Variants in DCC observed in about 807,000 individuals in gnomAD.
The protein encoded by DCC is netrin receptor DCC.
A neutral mutation model predicts 172.5 loss-of-function variants in DCC; 58 were observed. The observed-to-expected ratio is 0.34, with a 90% confidence interval of 0.27 to 0.42. DCC has a LOEUF of 0.42. DCC is among the 10% of genes least tolerant of loss of function. The pLI is 1.00. For missense variants in DCC, 1,740 were observed against 1,791.0 expected (o/e 0.97, Z 0.51); for synonymous variants, 709 against 644.5 (o/e 1.10, Z -1.52).
At chr18:53,228,343 A>C (rs1461954604) in intron 12 of DCC, among the ~76,000 whole-genome samples, 1 of 152,116 alleles carries the variant, frequency 6.6e-6, no homozygotes, top group Non-Finnish European at 1.5e-5. Flanking sequence ...TTTAAAGGTT[A>C]TTTCCGTTAC....
rs780915967 is a variant in DCC, at chr18:52,340,762, C to A, written c.-26C>A. ...TGAGTGCTGCCGCTGCCCGCGACCC[C>A]TGGCCCCGAAGGTGTTGGCTGAAAT... On this transcript the variant is annotated 5_prime_UTR_variant, in exon 1 of 29. The change creates a new upstream start codon in the 5' untranslated region. Coordinates refer to ENST00000442544, the MANE Select transcript of DCC (RefSeq NM_005215.4). 6.3e-7 allele frequency: 1 copy of A among 1,592,404 alleles called. No homozygotes were observed. Among genetic ancestry groups the A allele is most frequent in the Non-Finnish European group, 8.6e-7 (1 of 1,160,424 alleles).
intron 12 of DCC, among the ~76,000 whole-genome samples, chr18:53,244,494 C>T (rs1232428274): frequency 6.6e-6 from 1 of 152,124 alleles, no homozygotes; most frequent in East Asian, 1.9e-4. Flanking sequence ...TGACTGGGTT[C>T]AGCTGTGTGG....
At chr18:53,053,915 T>C (rs973336435) in intron 5 of DCC, among the ~76,000 whole-genome samples, 9 of 152,130 alleles carry the variant, frequency 5.9e-5, no homozygotes, top group Non-Finnish European at 7.4e-5. Context: ...TGGATATATA[T>C]TTGTGTGAGT....
At chr18:53,506,568 AAGG>A (rs1420376309) in intron 27 of DCC, among the ~76,000 whole-genome samples, 1 of 151,968 alleles carries the variant, frequency 6.6e-6, no homozygotes, top group East Asian at 1.9e-4. Flanking sequence ...CGTTCATAGA[AAGG>A]AGGCGGCCAG....
chr18:52,869,932 C>T (rs1457992458), intron 2 of DCC, among the ~76,000 whole-genome samples: 1 of 152,202 alleles, frequency 6.6e-6, no homozygotes, highest in Non-Finnish European at 1.5e-5. Context: ...CACCTGGGTC[C>T]TGCGACAGGG....
chr18:52,398,481 T>C (rs757779033), intron 1 of DCC, among the ~76,000 whole-genome samples: 1 of 152,006 alleles, frequency 6.6e-6, no homozygotes, highest in Non-Finnish European at 1.5e-5. Flanking sequence ...TTTATGCGTA[T>C]AAACTTTGTC....
chr18:53,510,928 T>TATCA (rs2046243824), intron 27 of DCC, among the ~76,000 whole-genome samples: 1 of 152,228 alleles, frequency 6.6e-6, no homozygotes, highest in African/African-American at 2.4e-5. Flanking sequence ...CTCAGCTTTC[T>TATCA]ATCAAAGCCT....
chr18:53,057,346 C>T (rs1339566792), intron 5 of DCC, among the ~76,000 whole-genome samples: 7 of 152,054 alleles, frequency 4.6e-5, no homozygotes, highest in African/African-American at 1.4e-4. Context: ...CAACTCTTAA[C>T]AATTGCAGTC....
intron 1 of DCC, among the ~76,000 whole-genome samples, chr18:52,616,856 A>G (rs2144851773): frequency 6.6e-6 from 1 of 152,304 alleles, no homozygotes; most frequent in East Asian, 1.9e-4. Flanking sequence ...GTAGAATGTG[A>G]TTCTAAACAT....
chr18:52,658,660 T>C (rs1413098560), intron 1 of DCC, among the ~76,000 whole-genome samples: 1 of 152,186 alleles, frequency 6.6e-6, no homozygotes, highest in East Asian at 1.9e-4. Flanking sequence ...CATCTCCAAG[T>C]AAGCACCCTT....
At chr18:53,473,176 G>A (rs114231750) in intron 25 of DCC, among the ~76,000 whole-genome samples, 1,850 of 152,220 alleles carry the variant, frequency 0.012, 43 homozygotes, top group African/African-American at 0.042. Flanking sequence ...CTTGTAGCAC[G>A]ATATAGCATT....
At chr18:53,014,682 C>T (rs1034948267) in intron 5 of DCC, among the ~76,000 whole-genome samples, 1 of 151,884 alleles carries the variant, frequency 6.6e-6, no homozygotes, top group African/African-American at 2.4e-5. Context: ...AGAGAAGATA[C>T]AGGAAGGCAC....
intron 5 of DCC, among the ~76,000 whole-genome samples, chr18:53,043,679 A>G (rs1330602669): frequency 3.9e-5 from 6 of 151,944 alleles, no homozygotes. Context: ...TTACATTTCA[A>G]AGATGACTTT....
chr18:52,464,756 G>T (rs536329469), intron 1 of DCC, among the ~76,000 whole-genome samples: 4 of 148,084 alleles, frequency 2.7e-5, no homozygotes, highest in African/African-American at 7.4e-5. Context: ...TGTTTTGTTG[G>T]TTTTTTTTTT....
Position 52,397,283 on chromosome 18 carries a change from T to C in DCC, c.91+56405T>C, listed in dbSNP as rs1986267518. Among the ~76,000 whole-genome samples, 3 of 152,074 alleles carry C rather than the reference T, an allele frequency of 2.0e-5. 1 individual carries two copies. The South Asian group carries it at 6.2e-4, about 31-fold the overall frequency. On this transcript the variant is annotated intron_variant, in intron 1 of 28. Transcript: ENST00000442544. ...ACTTCTAAATTCCTGGGAGATCTGA[T>C]GCTGCATTCTGGAGATCATATTGAG...
chr18:52,702,536 T>G (rs2036142892), intron 1 of DCC, among the ~76,000 whole-genome samples: 1 of 152,204 alleles, frequency 6.6e-6, no homozygotes, highest in Non-Finnish European at 1.5e-5. Flanking sequence ...CTTTTTCATT[T>G]GCAAATGTGT....
chr18:52,524,203 A>C (rs1320509657), intron 1 of DCC, among the ~76,000 whole-genome samples: 1 of 152,214 alleles, frequency 6.6e-6, no homozygotes, highest in Non-Finnish European at 1.5e-5. Context: ...GTTAAGACAA[A>C]AAATTCCTAA....
At chr18:53,115,974 G>A (rs957333975) in intron 7 of DCC, among the ~76,000 whole-genome samples, 4 of 151,492 alleles carry the variant, frequency 2.6e-5, no homozygotes. Context: ...CGGGGTTGAG[G>A]GGGGTGCTGT....
intron 23 of DCC, among the ~76,000 whole-genome samples, chr18:53,454,851 G>T (rs1018259813): frequency 5.3e-5 from 8 of 152,188 alleles, no homozygotes; most frequent in African/African-American, 1.7e-4. Flanking sequence ...CCTCATAAGA[G>T]ATTTGAACTA....
Sources: gnomAD v4.1 joint callset for allele counts (sites outside exome capture counted in the v4.1 genomes callset) on GRCh38, gnomAD v4.1.1 for gene constraint, MANE v1.5 for transcripts, NCBI Gene and HGNC (gene_info 2026-07-23, HGNC 2026-07-21) for gene names.